The following BCKDHB variants were observed in gnomAD, a reference collection of about 807,000 sequenced individuals.
BCKDHB encodes 2-oxoisovalerate dehydrogenase subunit beta, mitochondrial.
Under a neutral mutation model 48.5 loss-of-function variants are expected in BCKDHB, and 41 were observed. That is an observed-to-expected ratio of 0.85 (90% CI 0.66 to 1.10). The LOEUF (loss-of-function observed/expected upper bound fraction) is 1.10. Ranked by LOEUF, BCKDHB falls within the 50% of genes least tolerant of loss-of-function variation. The pLI is 0.00. For synonymous variants in BCKDHB, 201 were observed against 174.8 expected (o/e 1.15, Z -1.18); for missense variants, 496 against 494.2 (o/e 1.00, Z -0.03).
At chr6:80,165,035 G>A (rs187771429) in intron 3 of BCKDHB, among the ~76,000 whole-genome samples, 2 of 152,166 alleles carry the variant, frequency 1.3e-5, no homozygotes, top group Non-Finnish European at 2.9e-5. Flanking sequence ...CATGTTTTGG[G>A]GTAAGAGAGT....
chr6:80,343,491 G>A (rs1353578687), intron 9 of BCKDHB, 173 bp from the exon 10 acceptor site: 3 of 692,102 alleles, frequency 4.3e-6, no homozygotes, highest in African/African-American at 3.6e-5. Context: ...AATAAAACTG[G>A]GATCATGCGA....
At chr6:80,116,525 A>C (rs1769712757) in intron 1 of BCKDHB, among the ~76,000 whole-genome samples, 1 of 152,224 alleles carries the variant, frequency 6.6e-6, no homozygotes, top group Non-Finnish European at 1.5e-5. Flanking sequence ...CTTATGTTCC[A>C]TTATGGTCTT....
In BCKDHB at chr6:80,346,245, A is replaced by G. The variant is rs959495059; in HGVS notation, c.*2441A>G. 3 of 152,210 alleles carry G rather than the reference A, an allele frequency of 2.0e-5. No individual in the cohort carries two copies. The highest frequency in any genetic ancestry group is 6.5e-5 in the Admixed American group (1 of 15,280). The allele number at this position is 152,210 out of a possible 1,614,324, so 9.4% of individuals were successfully genotyped here. On this transcript the variant is annotated 3_prime_UTR_variant, in exon 10 of 10. Transcript: ENST00000320393. ...CTGTAAATATTATGTGTGTGATAGT[A>G]TTCAATAAAGTAAAATCAAATTGTC...
the BCKDHB span, among the ~76,000 whole-genome samples, chr6:80,431,719 G>C: frequency 6.6e-6 from 1 of 152,100 alleles, no homozygotes; most frequent in Admixed American, 6.5e-5. Context: ...GTGCATCTTT[G>C]CAGGTGAGAT....
chr6:80,186,144 G>A (rs1773628491), intron 6 of BCKDHB, among the ~76,000 whole-genome samples: 2 of 152,260 alleles, frequency 1.3e-5, no homozygotes, highest in African/African-American at 2.4e-5. Flanking sequence ...TCAGGCAATG[G>A]ATGGGGCTTT....
At chr6:80,365,814 G>T in the BCKDHB span, among the ~76,000 whole-genome samples, 1 of 152,190 alleles carries the variant, frequency 6.6e-6, no homozygotes, top group South Asian at 2.1e-4. Context: ...AAATGTCCAT[G>T]AATCTTCACA....
chr6:80,405,815 C>G, the BCKDHB span, among the ~76,000 whole-genome samples: 1 of 152,114 alleles, frequency 6.6e-6, no homozygotes, highest in Admixed American at 6.6e-5. Context: ...AAACTCTACA[C>G]TTCCTTGCTC....
At chr6:80,220,346 C>T (rs1357849544) in intron 8 of BCKDHB, among the ~76,000 whole-genome samples, 10 of 61,666 alleles carry the variant, frequency 1.6e-4, no homozygotes, top group Non-Finnish European at 2.6e-4. Flanking sequence ...TCAGTTGTTA[C>T]GGGTATATAC....
At chr6:80,211,913 G>A (rs1240727312) in intron 8 of BCKDHB, among the ~76,000 whole-genome samples, 1 of 152,102 alleles carries the variant, frequency 6.6e-6, no homozygotes, top group Non-Finnish European at 1.5e-5. Context: ...CTTCAAAAGG[G>A]GAGGGGGTGT....
At chr6:80,261,259 C>A (rs1232794418) in intron 8 of BCKDHB, among the ~76,000 whole-genome samples, 1 of 152,054 alleles carries the variant, frequency 6.6e-6, no homozygotes, top group African/African-American at 2.4e-5. Context: ...CAATAGCAGG[C>A]CTCAAGTGGA....
chr6:80,338,359 G>A (rs1769703924), intron 9 of BCKDHB, among the ~76,000 whole-genome samples: 4 of 152,124 alleles, frequency 2.6e-5, no homozygotes. Context: ...TGGGAAATAG[G>A]CACCTTGTGT....
chr6:80,232,217 G>A lies in BCKDHB; in HGVS notation c.951+29005G>A, dbSNP rs1035992374. Among the ~76,000 whole-genome samples, 6 of 151,622 alleles carry A rather than the reference G, an allele frequency of 4.0e-5. No individual in the cohort carries two copies. In the East Asian group the frequency reaches 1.2e-3, roughly 29 times the overall value. On this transcript the variant is annotated intron_variant, in intron 8 of 9. Coordinates refer to ENST00000320393, the MANE Select transcript of BCKDHB (RefSeq NM_183050.4). ...CTCTTTTCTCCTTTACTGGTAGACT[G>A]TCACCTGTCACTTCCCTGTGCTGGC...
intron 9 of BCKDHB, among the ~76,000 whole-genome samples, chr6:80,297,326 T>C (rs1767307738): frequency 1.3e-5 from 2 of 152,236 alleles, no homozygotes; most frequent in African/African-American, 2.4e-5. Context: ...ACTGCCTTCA[T>C]TTCCAAAAGA....
the BCKDHB span, among the ~76,000 whole-genome samples, chr6:80,388,988 G>C: frequency 6.6e-6 from 1 of 152,192 alleles, no homozygotes. Context: ...TCACTGGCTG[G>C]TCAGGGACTT....
Position 80,171,269 on chromosome 6 carries a change from T to C in BCKDHB, c.634-13T>C. 6.5e-7 allele frequency: 1 copy of C among 1,548,028 alleles called. No homozygotes were observed. Among genetic ancestry groups the C allele is most frequent in the Non-Finnish European group, 8.9e-7 (1 of 1,123,260 alleles). On this transcript the variant is annotated splice_polypyrimidine_tract_variant and intron_variant, in intron 5 of 9. Coordinates refer to ENST00000320393, the MANE Select transcript of BCKDHB (RefSeq NM_183050.4). ...TTTTACTAAAATTGTCTTAAAAAAA[T>C]CTGTTTTTGCAGGTGGTTATACCCA...
intron 8 of BCKDHB, among the ~76,000 whole-genome samples, chr6:80,218,641 A>G (rs1775279851): frequency 6.6e-6 from 1 of 151,934 alleles, no homozygotes; most frequent in South Asian, 2.1e-4. Flanking sequence ...ATTGTAATTT[A>G]TTTTAATTTC....
intron 9 of BCKDHB, among the ~76,000 whole-genome samples, chr6:80,273,770 G>GT (rs1036289102): frequency 2.2e-4 from 34 of 151,600 alleles, no homozygotes; most frequent in African/African-American, 3.9e-4. Flanking sequence ...AAAAACCTAT[G>GT]TTTTTTTAAA....
chr6:80,359,799 G>T, the BCKDHB span, among the ~76,000 whole-genome samples: 1 of 152,102 alleles, frequency 6.6e-6, no homozygotes, highest in Non-Finnish European at 1.5e-5. Context: ...CACCATGTTG[G>T]TCAGGCTGGT....
chr6:80,421,314 G>A, the BCKDHB span, among the ~76,000 whole-genome samples: 1 of 152,158 alleles, frequency 6.6e-6, no homozygotes, highest in African/African-American at 2.4e-5. Context: ...GTGCAGAACT[G>A]TGAATTAATT....
Sources: allele counts gnomAD v4.1 joint callset (sites outside exome capture counted in the v4.1 genomes callset), GRCh38; gene constraint gnomAD v4.1.1; transcripts MANE v1.5; gene names NCBI Gene and HGNC (gene_info 2026-07-23, HGNC 2026-07-21).